NCKAP5: variants seen among roughly 807,000 people sequenced by gnomAD.
The protein encoded by NCKAP5 is NCK associated protein 5, also known as nck-associated protein 5.
Under a neutral mutation model 167.0 loss-of-function variants are expected in NCKAP5, and 92 were observed. The observed-to-expected ratio is 0.55, with a 90% confidence interval of 0.47 to 0.66. The LOEUF is 0.66. NCKAP5 is among the 30% of genes least tolerant of loss of function. The probability of loss-of-function intolerance (pLI) is 0.00; values close to 1 mark genes in which losing one functional copy is unlikely to be tolerated. For missense variants in NCKAP5, 2,378 were observed against 2,315.0 expected (o/e 1.03, Z -0.56); for synonymous variants, 891 against 877.4 (o/e 1.02, Z -0.27).
chr2:133,075,414 G>A (rs1210033114), intron 6 of NCKAP5, among the ~76,000 whole-genome samples: 1 of 152,204 alleles, frequency 6.6e-6, no homozygotes, highest in South Asian at 2.1e-4. Context: ...TCAGAAATGA[G>A]GGAAGAGCAA....
chr2:133,354,468 T>C (rs2150832481), intron 3 of NCKAP5, among the ~76,000 whole-genome samples: 1 of 152,266 alleles, frequency 6.6e-6, no homozygotes, highest in Middle Eastern at 3.4e-3. Context: ...TTGTTATCAT[T>C]ACATATCATG....
intron 2 of NCKAP5, among the ~76,000 whole-genome samples, chr2:133,551,311 G>C (rs1487754815): frequency 1.3e-5 from 2 of 149,784 alleles, no homozygotes; most frequent in African/African-American, 2.5e-5. Flanking sequence ...AAAGAACAAA[G>C]CTGGAGGCAT....
the NCKAP5 span, among the ~76,000 whole-genome samples, chr2:133,601,816 G>C: frequency 2.6e-5 from 4 of 151,986 alleles, no homozygotes; most frequent in African/African-American, 7.2e-5. Flanking sequence ...CCTAAGATAC[G>C]AATGTCCTAA....
At chr2:133,646,891 T>C in the NCKAP5 span, among the ~76,000 whole-genome samples, 1 of 152,154 alleles carries the variant, frequency 6.6e-6, no homozygotes, top group East Asian at 1.9e-4. Context: ...TTAAACTTTG[T>C]TATTATCACC....
Position 133,461,283 on chromosome 2 carries a change from A to C in NCKAP5, c.69+56175T>G, listed in dbSNP as rs138769004. Among the ~76,000 whole-genome samples the C allele has an allele frequency of 7.6e-4, 116 of 152,292 alleles. 1 individual carries two copies. The highest frequency in any genetic ancestry group is 2.7e-3 in the African/African-American group (111 of 41,564). On this transcript the variant is annotated intron_variant, in intron 3 of 19. Coordinates refer to ENST00000409261, the MANE Select transcript of NCKAP5 (RefSeq NM_207363.3). ...TCTGTTGTATTTTATGAGTTATATA[A>C]GTTAAATGAAGATTTTTTTCTAGAA...
intron 5 of NCKAP5, among the ~76,000 whole-genome samples, chr2:133,179,232 GT>G (rs374396477): frequency 0.07 from 9,564 of 136,176 alleles, 300 homozygotes; most frequent in African/African-American, 0.1. Context: ...TTCAGATTTG[GT>G]TTTTTTTTTT....
At chr2:133,089,094 T>C (rs1332623541) in intron 6 of NCKAP5, among the ~76,000 whole-genome samples, 5 of 152,138 alleles carry the variant, frequency 3.3e-5, no homozygotes, top group African/African-American at 9.7e-5. Flanking sequence ...ACCCAAGACA[T>C]ATCCAAGTCT....
chr2:133,223,914 T>A (rs1027731044), intron 4 of NCKAP5, among the ~76,000 whole-genome samples: 2 of 152,246 alleles, frequency 1.3e-5, no homozygotes, highest in Non-Finnish European at 1.5e-5. Context: ...CTCCCAAAAA[T>A]TAACACAGAG....
chr2:133,569,211 A>G (rs914057028), upstream of NCKAP5, among the ~76,000 whole-genome samples: 9 of 151,696 alleles, frequency 5.9e-5, 1 homozygote, highest in African/African-American at 1.7e-4. Context: ...TTTCTCCCCT[A>G]TTTTCCACTC....
intron 4 of NCKAP5, among the ~76,000 whole-genome samples, chr2:133,275,898 C>T (rs1388567701): frequency 2.0e-5 from 3 of 151,612 alleles, no homozygotes; most frequent in African/African-American, 7.3e-5. Context: ...GACCCTTAAA[C>T]AACACAGTAT....
At chr2:133,671,618 A>T in the NCKAP5 span, among the ~76,000 whole-genome samples, 3 of 152,134 alleles carry the variant, frequency 2.0e-5, no homozygotes, top group African/African-American at 7.2e-5. Context: ...TCTCCCCAGC[A>T]AAAGGCTGTC....
chr2:133,485,615 C>T (rs1481133584), intron 3 of NCKAP5, among the ~76,000 whole-genome samples: 5 of 152,188 alleles, frequency 3.3e-5, no homozygotes, highest in African/African-American at 1.2e-4. Context: ...ACATCAGCTT[C>T]ACATAGAAAA....
At chr2:133,666,206 T>TTTG in the NCKAP5 span, among the ~76,000 whole-genome samples, 1 of 149,376 alleles carries the variant, frequency 6.7e-6, no homozygotes, top group Non-Finnish European at 1.5e-5. Context: ...TTTTTTTTTT[T>TTTG]TTGTTGTTGA....
intron 1 of NCKAP5, among the ~76,000 whole-genome samples, chr2:133,562,934 AATTGGGAATCCAAAATT>A (rs1688271635): frequency 6.6e-6 from 1 of 152,216 alleles, no homozygotes; most frequent in African/African-American, 2.4e-5. Flanking sequence ...AAGGAAGGAC[AATTGGGAATCCAAAATT>A]CCAAAGGCAT....
At chr2:133,346,363 C>A (rs555474861) in intron 3 of NCKAP5, among the ~76,000 whole-genome samples, 1 of 152,142 alleles carries the variant, frequency 6.6e-6, no homozygotes, top group Non-Finnish European at 1.5e-5. Flanking sequence ...TGATGACAGA[C>A]TGTGAATTTG....
intron 5 of NCKAP5, among the ~76,000 whole-genome samples, chr2:133,148,796 C>G (rs1236572813): frequency 6.6e-6 from 1 of 152,086 alleles, no homozygotes; most frequent in Non-Finnish European, 1.5e-5. Flanking sequence ...AGAGCTCCAC[C>G]CTCATGACCT....
intron 4 of NCKAP5, among the ~76,000 whole-genome samples, chr2:133,297,745 C>A (rs1680070217): frequency 6.6e-6 from 1 of 152,162 alleles, no homozygotes; most frequent in East Asian, 1.9e-4. Context: ...ATCCTGACCA[C>A]AATTATTATT....
At chr2:132,953,818 G>C (rs1038305871) in intron 8 of NCKAP5, among the ~76,000 whole-genome samples, 1 of 152,146 alleles carries the variant, frequency 6.6e-6, no homozygotes, top group African/African-American at 2.4e-5. Context: ...TGGAACTGCT[G>C]GTTGAAATGC....
chr2:133,545,091 G>C (rs1344974457), intron 2 of NCKAP5, among the ~76,000 whole-genome samples: 1 of 152,182 alleles, frequency 6.6e-6, no homozygotes, highest in African/African-American at 2.4e-5. Context: ...ACAAAGTCCT[G>C]ATCAGGCACT....
Sources: allele counts gnomAD v4.1 joint callset (sites outside exome capture counted in the v4.1 genomes callset), GRCh38; gene constraint gnomAD v4.1.1; transcripts MANE v1.5; gene names NCBI Gene and HGNC (gene_info 2026-07-23, HGNC 2026-07-21).